Variants in OR4N2 observed in about 807,000 individuals in gnomAD.
OR4N2 encodes olfactory receptor family 4 subfamily N member 2.
For missense variants in OR4N2, 307 were observed against 377.6 expected, an observed-to-expected ratio of 0.81 and a Z score of 1.55; for synonymous variants, 141 against 140.4, an observed-to-expected ratio of 1.00 and a Z score of -0.03.
In OR4N2 at chr14:19,828,425, A is replaced by G. The variant is rs1401898933; in HGVS notation, c.*53A>G. ...AAATAGACTGTAGAATTTTATCTGA[A>G]ATTGATTTGTTTATTTCCAAGTACT... On this transcript the variant is annotated 3_prime_UTR_variant, in exon 2 of 2. Coordinates refer to ENST00000557677, the MANE Select transcript of OR4N2 (RefSeq NM_001004723.3). 2.7e-6 allele frequency: 4 copies of G among 1,457,052 alleles called. No homozygotes were observed. The highest frequency in any genetic ancestry group is 3.7e-6 in the Non-Finnish European group (4 of 1,082,184). 90.3% of individuals were successfully genotyped at this position (1,457,052 alleles called of 1,614,324 possible). A position where few individuals can be genotyped will look rare whatever the true frequency, so the allele number is the denominator to read the frequency against.
chr14:19,814,277 A>G (rs1212457899), intron 1 of OR4N2, among the ~76,000 whole-genome samples: 12 of 152,362 alleles, frequency 7.9e-5, no homozygotes, highest in Admixed American at 2.6e-4. Flanking sequence ...TGAACAAATT[A>G]CAAATACCAA....
chr14:19,812,173 G>T (rs747452934), intron 1 of OR4N2, among the ~76,000 whole-genome samples: 2 of 151,950 alleles, frequency 1.3e-5, no homozygotes. Context: ...AAACTTAAAT[G>T]TTATTATTCT....
At chr14:19,806,966 T>G (rs1292298353) in intron 1 of OR4N2, among the ~76,000 whole-genome samples, 1 of 152,110 alleles carries the variant, frequency 6.6e-6, no homozygotes, top group Non-Finnish European at 1.5e-5. Context: ...AACTCATGGG[T>G]GCACACTGAA....
chr14:19,803,878 G>A lies in OR4N2; in HGVS notation c.-10+34G>A, dbSNP rs550834663. 2.0e-4 allele frequency: 30 copies of A among 152,274 alleles called. No individual in the cohort carries two copies. The East Asian group carries it at 5.2e-3, about 26-fold the overall frequency. The allele number at this position is 152,274 out of a possible 1,614,324, so 9.4% of individuals were successfully genotyped here. On this transcript the variant is annotated intron_variant, in intron 1 of 1. Transcript: ENST00000557677. ...GCTTTTTATTACTAACACAATCTTG[G>A]AACTTGTTATTAGTCTGTTCAGGGT...
chr14:19,828,545 T>C lies in OR4N2; in HGVS notation c.*173T>C, dbSNP rs1879788223. On this transcript the variant is annotated 3_prime_UTR_variant, in exon 2 of 2. Coordinates refer to ENST00000557677, the MANE Select transcript of OR4N2 (RefSeq NM_001004723.3). Reference sequence around the variant, plus strand: ...TAAGGTCCATCTGCTCTCCAAGAGATACAACCTAGTAAAAATAGACCACCA... The same window carrying C: ...TAAGGTCCATCTGCTCTCCAAGAGACACAACCTAGTAAAAATAGACCACCA... 1 of 671,012 alleles carries C rather than the reference T, an allele frequency of 1.5e-6. No individual in the cohort carries two copies. Among genetic ancestry groups the C allele is most frequent in the African/African-American group, 1.8e-5 (1 of 54,778 alleles). The allele number at this position is 671,012 out of a possible 1,614,324, so 41.6% of individuals were successfully genotyped here. A position where few individuals can be genotyped will look rare whatever the true frequency, so the allele number is the denominator to read the frequency against.
intron 1 of OR4N2, among the ~76,000 whole-genome samples, chr14:19,823,178 T>C (rs559893229): frequency 6.6e-6 from 1 of 152,394 alleles, no homozygotes; most frequent in East Asian, 1.9e-4. Context: ...TATTATTTCA[T>C]ACTCAAATAA....
At chr14:19,812,917 C>T (rs1879338005) in intron 1 of OR4N2, among the ~76,000 whole-genome samples, 1 of 152,170 alleles carries the variant, frequency 6.6e-6, no homozygotes, top group Non-Finnish European at 1.5e-5. Context: ...CATGTCAATG[C>T]ATAAATTGAA....
At chr14:19,817,118 T>C (rs1879446108) in intron 1 of OR4N2, among the ~76,000 whole-genome samples, 1 of 152,240 alleles carries the variant, frequency 6.6e-6, no homozygotes, top group Admixed American at 6.5e-5. Flanking sequence ...GATTTTTGCA[T>C]CGATGTTCAT....
At position 19,815,639 on chromosome 14, in the gene OR4N2, TGA is replaced by T. The variant is rs1879404769; in HGVS notation, c.-9-11797_-9-11796del. ...TCTGTAGGTTGACTGTCCACTCTGA[TGA>T]GAGGTTTTTTTTTGTTTTTTTTTTT... On this transcript the variant is annotated intron_variant, in intron 1 of 1. Coordinates refer to ENST00000557677, the MANE Select transcript of OR4N2 (RefSeq NM_001004723.3). Among the ~76,000 whole-genome samples the T allele has an allele frequency of 3.3e-5, 5 of 150,324 alleles. No individual in the cohort carries two copies. The South Asian group carries it at 1.0e-3, about 31-fold the overall frequency.
intron 1 of OR4N2, among the ~76,000 whole-genome samples, chr14:19,812,425 G>C (rs765833850): frequency 6.7e-6 from 1 of 149,860 alleles, no homozygotes; most frequent in Non-Finnish European, 1.5e-5. Context: ...CACCTCCCGA[G>C]TTCACGCCAT....
chr14:19,821,779 C>T (rs1879572515), intron 1 of OR4N2, among the ~76,000 whole-genome samples: 1 of 152,208 alleles, frequency 6.6e-6, no homozygotes, highest in Non-Finnish European at 1.5e-5. Flanking sequence ...TATAGCTTGC[C>T]TAATAACTCC....
intron 1 of OR4N2, among the ~76,000 whole-genome samples, chr14:19,816,905 G>A (rs1201499973): frequency 6.6e-6 from 1 of 152,066 alleles, no homozygotes; most frequent in Non-Finnish European, 1.5e-5. Flanking sequence ...TTAGCTTGAA[G>A]GGGTGAATTT....
rs769097613 is a variant in OR4N2 at position 19,827,652 on chromosome 14, C to A, written c.204C>A (p.Phe68Leu). The A allele has an allele frequency of 1.2e-6, 2 of 1,614,064 alleles. No individual in the cohort carries two copies. The highest frequency in any genetic ancestry group is 8.5e-7 in the Non-Finnish European group (1 of 1,180,006). The change falls in exon 2 of 2, where the codon TTC becomes TTA. Residue 68 changes from phenylalanine to leucine, a missense_variant. Phe to Leu is a conservative substitution (Grantham distance 22). Transcript: ENST00000557677. The stretch of plus-strand genomic sequence containing the variant: ...ATTTCTTTCTGGGCAACTTGGCCTT[C>A]CTGGATGCATCCTACTCCTTCATTG... ...PLYFFLGNLA[F>L]LDASYSFIVA... is the part of the protein sequence containing the mutation.
Position 19,816,822 on chromosome 14 carries a change from G to A in OR4N2, c.-9-10618G>A, listed in dbSNP as rs200862343. ...TTTTTGCCCATTCGGTATGATATTG[G>A]CTGTGGGTGTGTCATAAATAGCTCT... On this transcript the variant is annotated intron_variant, in intron 1 of 1. Coordinates refer to ENST00000557677, the MANE Select transcript of OR4N2 (RefSeq NM_001004723.3). 2.0e-4 allele frequency among the ~76,000 whole-genome samples: 31 copies of A among 152,348 alleles called. No homozygotes were observed. In the East Asian group the frequency reaches 5.2e-3, roughly 26 times the overall value.
At chr14:19,810,790 G>A (rs896770579) in intron 1 of OR4N2, among the ~76,000 whole-genome samples, 1 of 152,208 alleles carries the variant, frequency 6.6e-6, no homozygotes, top group African/African-American at 2.4e-5. Flanking sequence ...TAAACCCATA[G>A]TAGAATGATG....
chr14:19,808,925 T>C lies in OR4N2; in HGVS notation c.-10+5081T>C, dbSNP rs371954215. ...TGCTACTGGTACAGAAACAGACACA[T>C]TGACCCATAGAACAGAATAGAAAAC... is the stretch of plus-strand genomic sequence containing the variant. On this transcript the variant is annotated intron_variant, in intron 1 of 1. Transcript: ENST00000557677. 6.8e-4 allele frequency among the ~76,000 whole-genome samples: 104 copies of C among 152,216 alleles called. 1 individual carries two copies. The South Asian group carries it at 0.015, about 23-fold the overall frequency.
At chr14:19,815,721 T>C (rs1879411301) in intron 1 of OR4N2, among the ~76,000 whole-genome samples, 2 of 151,972 alleles carry the variant, frequency 1.3e-5, no homozygotes, top group Non-Finnish European at 2.9e-5. Context: ...CATTTGTCAA[T>C]TTTGGATTTT....
intron 1 of OR4N2, among the ~76,000 whole-genome samples, chr14:19,804,050 T>C (rs1257744633): frequency 2.6e-5 from 4 of 152,240 alleles, no homozygotes; most frequent in African/African-American, 9.6e-5. Context: ...AATGTTCCCT[T>C]TGTCATTTCT....
At chr14:19,804,345 A>G (rs1268290800) in intron 1 of OR4N2, among the ~76,000 whole-genome samples, 2 of 151,978 alleles carry the variant, frequency 1.3e-5, no homozygotes, top group Non-Finnish European at 2.9e-5. Context: ...CTTTAGTGAT[A>G]TAAACTTACC....
Sources: gnomAD v4.1 joint callset for allele counts (sites outside exome capture counted in the v4.1 genomes callset) on GRCh38, gnomAD v4.1.1 for gene constraint, MANE v1.5 for transcripts, NCBI Gene and HGNC (gene_info 2026-07-23, HGNC 2026-07-21) for gene names.